Variants in PCDHA1 observed in about 807,000 individuals in gnomAD.
PCDHA1 encodes protocadherin alpha-1.
A neutral mutation model predicts 61.3 loss-of-function variants in PCDHA1; 42 were observed. That is an observed-to-expected ratio of 0.69 (90% CI 0.54 to 0.89). The LOEUF is 0.89. Ranked by LOEUF, PCDHA1 falls within the 40% of genes least tolerant of loss-of-function variation. PCDHA1 has a pLI of 0.00. For synonymous variants in PCDHA1, 610 were observed against 553.8 expected (o/e 1.10, Z -1.43); for missense variants, 1,256 against 1,235.3 (o/e 1.02, Z -0.25).
intron 1 of PCDHA1, chr5:140,788,958 C>T: frequency 9.2e-6 from 5 of 545,922 alleles, no homozygotes; most frequent in Non-Finnish European, 1.5e-5. Flanking sequence ...TAATGTTGGT[C>T]ATATTTAACA....
rs549259485 is a variant in PCDHA1, at chr5:140,926,218, A to C, written c.2395-52731A>C. 2.0e-5 allele frequency among the ~76,000 whole-genome samples: 3 copies of C among 152,070 alleles called. No individual in the cohort carries two copies. In the South Asian group the frequency reaches 6.3e-4, roughly 32 times the overall value. On this transcript the variant is annotated intron_variant, in intron 1 of 3. Coordinates refer to ENST00000504120, the MANE Select transcript of PCDHA1 (RefSeq NM_018900.4). ...TCTTTCGGGGGGCTCCTGTTTCCTT[A>C]AGCCTAGAAGGTGTGGTCGCTCACG...
At chr5:140,843,030 T>C in intron 1 of PCDHA1, 1 of 1,594,962 alleles carries the variant, frequency 6.3e-7, no homozygotes, top group African/African-American at 1.3e-5. Flanking sequence ...GAGCCTCGGG[T>C]GGGTGGCACT....
chr5:140,853,707 C>A, intron 1 of PCDHA1: 2 of 988,182 alleles, frequency 2.0e-6, no homozygotes, highest in Non-Finnish European at 2.4e-6. Context: ...AACGCATTAG[C>A]ATTAGCAGCA....
Position 141,010,119 on chromosome 5 carries a change from A to G in PCDHA1, c.*182A>G. 6.2e-7 allele frequency: 1 copy of G among 1,608,062 alleles called. No homozygotes were observed. On this transcript the variant is annotated 3_prime_UTR_variant, in exon 4 of 4. Transcript: ENST00000504120. ...TAACAGGTTTTGTCGTAAAAGCTTT[A>G]CTAAGTCTGGTGTTAACTCTTTCTC...
At chr5:140,829,044 T>C in intron 1 of PCDHA1, 1 of 1,613,140 alleles carries the variant, frequency 6.2e-7, no homozygotes. Context: ...TTATACAAAA[T>C]CCTCATTGAC....
At chr5:140,849,104 A>G in intron 1 of PCDHA1, 1 of 1,463,110 alleles carries the variant, frequency 6.8e-7, no homozygotes, top group Non-Finnish European at 9.3e-7. Flanking sequence ...TAGACAGAGA[A>G]GAAACTCCGG....
rs2150230221 is a variant in PCDHA1 at position 140,835,046 on chromosome 5, G to A, written c.2394+46362G>A. The A allele has an allele frequency of 6.3e-6, 8 of 1,261,804 alleles. No individual in the cohort carries two copies. The East Asian group carries it at 1.6e-4, about 24-fold the overall frequency. 78.2% of individuals were successfully genotyped at this position (1,261,804 alleles called of 1,614,324 possible). On this transcript the variant is annotated intron_variant, in intron 1 of 3. Transcript: ENST00000504120. ...CGGCCACCGATGGAGGCAAACCCGAGCTGACTGGCACCGTTCAATTACTCA... is the reference window on the plus strand; with the variant it reads ...CGGCCACCGATGGAGGCAAACCCGAACTGACTGGCACCGTTCAATTACTCA...
chr5:140,827,906 A>C, intron 1 of PCDHA1: 1 of 808,566 alleles, frequency 1.2e-6, no homozygotes, highest in Non-Finnish European at 2.0e-6. Context: ...TTGGAGCCGC[A>C]TGATGTCGCT....
chr5:140,945,201 T>G (rs1168662297), intron 1 of PCDHA1, among the ~76,000 whole-genome samples: 1 of 152,172 alleles, frequency 6.6e-6, no homozygotes, highest in Middle Eastern at 3.4e-3. Context: ...CTATTTACAA[T>G]AGCTATGAGA....
At chr5:140,940,600 G>A (rs576348550) in intron 1 of PCDHA1, among the ~76,000 whole-genome samples, 36 of 152,074 alleles carry the variant, frequency 2.4e-4, no homozygotes, top group African/African-American at 8.4e-4. Flanking sequence ...GGCATGAGCC[G>A]CTGCTCCTGG....
At chr5:140,925,142 C>G (rs2082353538) in intron 1 of PCDHA1, among the ~76,000 whole-genome samples, 1 of 151,570 alleles carries the variant, frequency 6.6e-6, no homozygotes, top group African/African-American at 2.4e-5. Context: ...TTCAAACATA[C>G]ACAAAAGTTG....
At chr5:140,845,023 G>A (rs1554140814) in intron 1 of PCDHA1, among the ~76,000 whole-genome samples, 2 of 149,032 alleles carry the variant, frequency 1.3e-5, no homozygotes, top group African/African-American at 2.5e-5. Flanking sequence ...AATCATTTAT[G>A]GGCATATTTT....
intron 3 of PCDHA1, among the ~76,000 whole-genome samples, chr5:141,005,628 G>C: frequency 6.7e-6 from 1 of 148,974 alleles, no homozygotes; most frequent in Non-Finnish European, 1.5e-5. Context: ...CGTGAACCCG[G>C]GAGGCGGAGC....
At chr5:140,843,901 A>C in intron 1 of PCDHA1, 3 of 653,454 alleles carry the variant, frequency 4.6e-6, no homozygotes, top group South Asian at 2.2e-5. Context: ...ATCATTCTCC[A>C]CAAGTTGGGT....
chr5:140,986,074 T>C (rs1342378005), intron 3 of PCDHA1, among the ~76,000 whole-genome samples: 1 of 152,124 alleles, frequency 6.6e-6, no homozygotes, highest in African/African-American at 2.4e-5. Context: ...AAAGAAACTG[T>C]TCATTTATTT....
At chr5:140,929,191 A>G in intron 1 of PCDHA1, 1 of 1,614,118 alleles carries the variant, frequency 6.2e-7, no homozygotes, top group Non-Finnish European at 8.5e-7. Flanking sequence ...TTCTGATAAT[A>G]ACAGTTTGCT....
chr5:140,842,004 T>C, intron 1 of PCDHA1: 11 of 1,613,808 alleles, frequency 6.8e-6, no homozygotes, highest in Non-Finnish European at 8.5e-6. Flanking sequence ...ACTGTTCAGC[T>C]GCTGGTCACA....
At chr5:140,994,222 C>T (rs2097605581) in intron 3 of PCDHA1, among the ~76,000 whole-genome samples, 1 of 152,168 alleles carries the variant, frequency 6.6e-6, no homozygotes, top group Admixed American at 6.5e-5. Context: ...CAGGGTCTGT[C>T]TATGTTATAA....
chr5:140,906,316 A>G (rs191261196), intron 1 of PCDHA1, among the ~76,000 whole-genome samples: 377 of 152,344 alleles, frequency 2.5e-3, no homozygotes, highest in African/African-American at 8.6e-3. Flanking sequence ...TATTCCCAAC[A>G]TGATACAACT....
Sources: allele counts gnomAD v4.1 joint callset (sites outside exome capture counted in the v4.1 genomes callset), GRCh38; gene constraint gnomAD v4.1.1; transcripts MANE v1.5; gene names NCBI Gene and HGNC (gene_info 2026-07-23, HGNC 2026-07-21).